NCBP1: variants seen among roughly 807,000 people sequenced by gnomAD.
NCBP1 encodes the protein nuclear cap-binding protein subunit 1.
NCBP1 carries 16 observed loss-of-function variants against 111.7 expected under a neutral mutation model. The ratio of observed to expected loss-of-function variants is 0.14; its 90% CI spans 0.10 to 0.22. The LOEUF (loss-of-function observed/expected upper bound fraction) is 0.22, where lower values mean the gene tolerates loss of function less well. Ranked by LOEUF, NCBP1 falls within the 10% of genes least tolerant of loss-of-function variation. The pLI, the probability that NCBP1 is intolerant of heterozygous loss-of-function variation, is 1.00. For synonymous variants in NCBP1, 304 were observed against 314.3 expected, an observed-to-expected ratio of 0.97 and a Z score of 0.35; for missense variants, 607 against 957.5, an observed-to-expected ratio of 0.63 and a Z score of 4.83.
chr9:97,668,176 T>C (rs1828065978), intron 20 of NCBP1, among the ~76,000 whole-genome samples: 1 of 152,248 alleles, frequency 6.6e-6, no homozygotes, highest in African/African-American at 2.4e-5. Context: ...TAGAGCCACG[T>C]TCTGGCTCTG....
At chr9:97,665,084 G>A (rs1185187957) in intron 19 of NCBP1, among the ~76,000 whole-genome samples, 2 of 152,186 alleles carry the variant, frequency 1.3e-5, no homozygotes, top group Admixed American at 1.3e-4. Context: ...GGAAACTAAA[G>A]CAAATTACTT....
chr9:97,654,735 AAAC>A (rs1484737505), intron 11 of NCBP1, 142 bp from the exon 12 acceptor site: 8 of 754,114 alleles, frequency 1.1e-5, no homozygotes, highest in South Asian at 3.5e-5. Flanking sequence ...CTGTAAGAAA[AAAC>A]AAAAACAAGA....
At chr9:97,642,507 C>T (rs117806524) in intron 3 of NCBP1, among the ~76,000 whole-genome samples, 2,137 of 152,144 alleles carry the variant, frequency 0.014, 102 homozygotes, top group East Asian at 0.13. Context: ...ATTCTAAAGG[C>T]TGCCTAAATT....
At chr9:97,651,488 C>A in intron 10 of NCBP1, 115 bp downstream of exon 10, 1 of 924,480 alleles carries the variant, frequency 1.1e-6, no homozygotes. Flanking sequence ...ACTTGTCCAG[C>A]ATTCAGAATT....
intron 2 of NCBP1, 121 bp from the exon 3 acceptor site, chr9:97,641,441 T>C (rs961367879): frequency 1.4e-6 from 1 of 707,660 alleles, no homozygotes; most frequent in African/African-American, 1.9e-5. Context: ...GACAGATGAT[T>C]GGTAATGATT....
chr9:97,665,576 C>T (rs1031998942), intron 19 of NCBP1, among the ~76,000 whole-genome samples: 5 of 152,184 alleles, frequency 3.3e-5, no homozygotes, highest in African/African-American at 7.2e-5. Flanking sequence ...TAGTCCACCC[C>T]CTCCAGAGTT....
At chr9:97,664,514 C>T in intron 19 of NCBP1, 71 bp downstream of exon 19, 1 of 1,029,986 alleles carries the variant, frequency 9.7e-7, no homozygotes, top group Non-Finnish European at 1.5e-6. Flanking sequence ...TATACATAAG[C>T]TTCAAATTCT....
At chr9:97,667,042 A>G (rs1235894307) in intron 20 of NCBP1, among the ~76,000 whole-genome samples, 165 bp downstream of exon 20, 1 of 152,178 alleles carries the variant, frequency 6.6e-6, no homozygotes, top group Non-Finnish European at 1.5e-5. Context: ...GAAGAGGAGG[A>G]AGGAGCAGGT....
intron 18 of NCBP1, among the ~76,000 whole-genome samples, chr9:97,663,735 T>G (rs573471118): frequency 6.6e-6 from 1 of 151,826 alleles, no homozygotes; most frequent in African/African-American, 2.4e-5. Context: ...TCTGCCCACC[T>G]CGGCCTCCCA....
intron 8 of NCBP1, among the ~76,000 whole-genome samples, chr9:97,649,015 A>C (rs533492514): frequency 6.6e-6 from 1 of 152,298 alleles, no homozygotes; most frequent in East Asian, 1.9e-4. Flanking sequence ...ATTATACTTA[A>C]TAAGGTTATT....
chr9:97,655,811 A>G (rs753952953), intron 13 of NCBP1, 47 bp downstream of exon 13: 4 of 1,522,624 alleles, frequency 2.6e-6, no homozygotes, highest in East Asian at 2.3e-5. Flanking sequence ...AAAAACTACT[A>G]ATGTTTAAAA....
At chr9:97,644,937 C>T (rs1256638983) in intron 4 of NCBP1, among the ~76,000 whole-genome samples, 180 bp from the exon 5 acceptor site, 2 of 151,708 alleles carry the variant, frequency 1.3e-5, no homozygotes, top group East Asian at 3.9e-4. Flanking sequence ...TTTTTTCACG[C>T]ATTTAAAAAT....
In NCBP1 at chr9:97,633,824, C is replaced by T. The variant is rs1027197186; in HGVS notation, c.-58C>T. 21 of 1,536,244 alleles carry T rather than the reference C, an allele frequency of 1.4e-5. No homozygotes were observed. Among genetic ancestry groups the T allele is most frequent in the Non-Finnish European group, 1.8e-5 (21 of 1,147,160 alleles). ...GTCCTTGCGTCGGCCAGCGGCCAGA[C>T]AGTTCCTGCAGCGCTTACCGCCTGG... On this transcript the variant is annotated 5_prime_UTR_variant, in exon 1 of 23. Coordinates refer to ENST00000375147, the MANE Select transcript of NCBP1 (RefSeq NM_002486.5).
chr9:97,635,087 GTC>G (rs1826969883), intron 1 of NCBP1, among the ~76,000 whole-genome samples: 1 of 152,206 alleles, frequency 6.6e-6, no homozygotes, highest in South Asian at 2.1e-4. Context: ...ACTAACGTTT[GTC>G]TCTCCTTGAG....
intron 22 of NCBP1, chr9:97,670,111 CAG>C: frequency 3.1e-6 from 1 of 320,072 alleles, no homozygotes; most frequent in East Asian, 7.6e-5. Flanking sequence ...TTAGTAGGGA[CAG>C]AGTTTCACCA....
In NCBP1 at chr9:97,669,624, T is replaced by G; in HGVS notation, c.2177T>G (p.Val726Gly). 6.2e-7 allele frequency: 1 copy of G among 1,612,564 alleles called. No homozygotes were observed. The highest frequency in any genetic ancestry group is 8.5e-7 in the Non-Finnish European group (1 of 1,178,620). The change falls in exon 22 of 23, where the codon GTA (valine) becomes GGA (glycine). Residue 726 changes from valine to glycine, a missense_variant. Val to Gly is a moderately radical substitution (Grantham distance 109, BLOSUM62 -3). Transcript: ENST00000375147. Reference protein sequence around the residue: ...RFIMILTEHLVRCETDGTSVL... With the variant: ...RFIMILTEHLGRCETDGTSVL... ...ATCATGATCTTGACCGAGCACCTAG[T>G]ACGATGCGAAACTGATGGGACCAGT...
At chr9:97,662,925 T>A in intron 17 of NCBP1, 29 bp from the exon 18 acceptor site, 7 of 1,478,408 alleles carry the variant, frequency 4.7e-6, no homozygotes, top group Non-Finnish European at 6.6e-6. Flanking sequence ...TAAGTATATA[T>A]GGTATTTTTT....
rs41309330 is a variant in NCBP1 at position 97,640,899 on chromosome 9, G to A, written c.123+17G>A. ...GGAGAAAAGGTATGTCACACAATAGGCACAGGCTGTGATGGGTTTAAGAAT... is the reference window on the plus strand; with the variant it reads ...GGAGAAAAGGTATGTCACACAATAGACACAGGCTGTGATGGGTTTAAGAAT... On this transcript the variant is annotated intron_variant, in intron 2 of 22. Transcript: ENST00000375147. The A allele has an allele frequency of 2.8e-4, 433 of 1,547,714 alleles. No homozygotes were observed. The highest frequency in any genetic ancestry group is 3.4e-4 in the Non-Finnish European group (388 of 1,129,122).
chr9:97,659,573 A>G (rs1042241425), intron 15 of NCBP1, among the ~76,000 whole-genome samples: 5 of 152,230 alleles, frequency 3.3e-5, no homozygotes, highest in African/African-American at 4.8e-5. Context: ...CAAGAGGTCA[A>G]GCTAGAATGA....
Sources: allele counts gnomAD v4.1 joint callset (sites outside exome capture counted in the v4.1 genomes callset), GRCh38; gene constraint gnomAD v4.1.1; transcripts MANE v1.5; gene names NCBI Gene and HGNC (gene_info 2026-07-23, HGNC 2026-07-21).